PGBD1: variants seen among roughly 807,000 people sequenced by gnomAD.
The protein encoded by PGBD1 is piggyBac transposable element-derived protein 1.
PGBD1 carries 25 observed loss-of-function variants against 34.7 expected under a neutral mutation model. The ratio of observed to expected loss-of-function variants is 0.72; its 90% CI spans 0.52 to 1.00. PGBD1 has a LOEUF of 1.00. Among genes scored for constraint, PGBD1 ranks in the 50% least tolerant of loss-of-function variants. The pLI is 0.00. For synonymous variants in PGBD1, 292 were observed against 335.7 expected (o/e 0.87, Z 1.42); for missense variants, 830 against 959.4 (o/e 0.87, Z 1.78).
intron 3 of PGBD1, among the ~76,000 whole-genome samples, chr6:28,286,651 T>TA (rs1485212587): frequency 2.0e-5 from 3 of 152,056 alleles, no homozygotes; most frequent in Non-Finnish European, 2.9e-5. Context: ...TATTTTCCTG[T>TA]CTCTCTCTCC....
chr6:28,288,729 G>T (rs1318186771), intron 4 of PGBD1, among the ~76,000 whole-genome samples: 1 of 152,086 alleles, frequency 6.6e-6, no homozygotes, highest in Non-Finnish European at 1.5e-5. Context: ...GGTGGCTCAT[G>T]CCTGTAATCC....
At chr6:28,284,275 A>C in intron 2 of PGBD1, 66 bp downstream of exon 2, 2 of 1,428,752 alleles carry the variant, frequency 1.4e-6, no homozygotes, top group Admixed American at 2.5e-5. Flanking sequence ...TTTATTTTTA[A>C]CGTTTTATTT....
chr6:28,291,124 CA>C (rs555039853), intron 4 of PGBD1, among the ~76,000 whole-genome samples: 10,194 of 68,478 alleles, frequency 0.15, 379 homozygotes, highest in African/African-American at 0.2. Flanking sequence ...AAATTGAGAC[CA>C]AAAAAAAAAA....
Position 28,302,523 on chromosome 6 carries a change from T to G in PGBD1, c.*239T>G. The stretch of plus-strand genomic sequence containing the variant: ...TCTATGTCAAGTTTTGTGTCAGACA[T>G]GGGAAATCATGTATTTGTTCAATTG... On this transcript the variant is annotated 3_prime_UTR_variant, in exon 7 of 7. Transcript: ENST00000682144. The G allele has an allele frequency of 2.2e-6, 1 of 446,216 alleles. No individual in the cohort carries two copies. The highest frequency in any genetic ancestry group is 4.1e-5 in the South Asian group (1 of 24,522). The allele number at this position is 446,216 out of a possible 1,614,324, so 27.6% of individuals were successfully genotyped here. A position where few individuals can be genotyped will look rare whatever the true frequency, so the allele number is the denominator to read the frequency against.
chr6:28,302,108 A>T lies in PGBD1; in HGVS notation c.2254A>T (p.Arg752Trp), dbSNP rs1193222121. Residue 752 changes from arginine to tryptophan, a missense_variant, in exon 7 of 7, where the codon AGG (arginine) becomes TGG (tryptophan). Physicochemically the swap from Arg to Trp is moderately radical, Grantham distance 101 (BLOSUM62 -3). Coordinates refer to ENST00000682144, the MANE Select transcript of PGBD1 (RefSeq NM_032507.4). ...MDQIISKYRVRIRSKKWYSIL... is the reference protein window; with the variant it reads ...MDQIISKYRVWIRSKKWYSIL... ...TCAAATTATTTCGAAATACAGGGTG[A>T]GGATAAGAAGCAAGAAATGGTACTC... is the stretch of plus-strand genomic sequence containing the variant. 6.2e-7 allele frequency: 1 copy of T among 1,614,184 alleles called. No homozygotes were observed. The highest frequency in any genetic ancestry group is 2.2e-5 in the East Asian group (1 of 44,880).
At chr6:28,283,254 A>G (rs946741558) in intron 1 of PGBD1, among the ~76,000 whole-genome samples, 1 of 152,214 alleles carries the variant, frequency 6.6e-6, no homozygotes, top group Admixed American at 6.5e-5. Context: ...CCACTGGTCA[A>G]AGCAAGTCAT....
chr6:28,286,845 A>G (rs1287048023), intron 3 of PGBD1, among the ~76,000 whole-genome samples: 2 of 152,076 alleles, frequency 1.3e-5, no homozygotes, highest in African/African-American at 4.8e-5. Flanking sequence ...AAAGCACCTT[A>G]TGAGTTCATA....
intron 4 of PGBD1, among the ~76,000 whole-genome samples, chr6:28,294,154 A>T (rs1423108232): frequency 2.6e-5 from 4 of 152,226 alleles, no homozygotes; most frequent in Admixed American, 2.0e-4. Context: ...TTTGGATAGA[A>T]GATCACACCA....
chr6:28,295,190 T>C (rs1413075963), intron 4 of PGBD1, among the ~76,000 whole-genome samples: 1 of 152,216 alleles, frequency 6.6e-6, no homozygotes, highest in Non-Finnish European at 1.5e-5. Context: ...AACCTGAAGA[T>C]GTGACTGAAT....
intron 6 of PGBD1, 29 bp downstream of exon 6, chr6:28,298,020 A>G (rs1762712637): frequency 7.1e-7 from 1 of 1,417,984 alleles, no homozygotes; most frequent in African/African-American, 1.4e-5. Flanking sequence ...CAGTGAATCA[A>G]ATCCTGCAGA....
Position 28,302,241 on chromosome 6 carries a change from T to C in PGBD1, c.2387T>C (p.Val796Ala). ...SLDPLDFRRFVAHFYLEHNAH... is the reference protein window; with the variant it reads ...SLDPLDFRRFAAHFYLEHNAH... ...GACCCCTTGGATTTTCGGAGATTTGTTGCACATTTCTACTTGGAACACAAT... is the reference window on the plus strand; with the variant it reads ...GACCCCTTGGATTTTCGGAGATTTGCTGCACATTTCTACTTGGAACACAAT... Residue 796 changes from valine to alanine, a missense_variant, in exon 7 of 7, where the codon GTT (valine) becomes GCT (alanine). Physicochemically the swap from Val to Ala is moderately conservative, Grantham distance 64 (BLOSUM62 0). Around this residue, in one of 3 missense-constraint regions of PGBD1, gnomAD observed 372 missense variants for 427.9 expected, o/e 0.87. Coordinates refer to ENST00000682144, the MANE Select transcript of PGBD1 (RefSeq NM_032507.4). 1 of 1,614,018 alleles carries C rather than the reference T, an allele frequency of 6.2e-7. No individual in the cohort carries two copies. Among genetic ancestry groups the C allele is most frequent in the Non-Finnish European group, 8.5e-7 (1 of 1,179,926 alleles).
chr6:28,291,762 G>C (rs1376131749), intron 4 of PGBD1, among the ~76,000 whole-genome samples: 2 of 152,146 alleles, frequency 1.3e-5, no homozygotes, highest in Non-Finnish European at 2.9e-5. Flanking sequence ...CCATGATCAA[G>C]TGGGATTCAC....
rs777927452 is a variant in PGBD1, at chr6:28,287,072, C to G, written c.554-8C>G. The stretch of plus-strand genomic sequence containing the variant: ...CTCATTTAGGACTCTTGCCCTCTCT[C>G]TCTGCAGGGCCTGTTCCCCACGGAT... On this transcript the variant is annotated splice_region_variant and splice_polypyrimidine_tract_variant and intron_variant, in intron 3 of 6. Transcript: ENST00000682144. 4 of 1,611,354 alleles carry G rather than the reference C, an allele frequency of 2.5e-6. No individual in the cohort carries two copies. In the South Asian group the frequency reaches 3.3e-5, roughly 13 times the overall value.
Position 28,301,327 on chromosome 6 carries a change from T to C in PGBD1, c.1473T>C (p.Asp491=), listed in dbSNP as rs181599868. Residue 491 remains aspartate (D), a synonymous_variant, in exon 7 of 7, where the codon GAT becomes GAC. Coordinates refer to ENST00000682144, the MANE Select transcript of PGBD1 (RefSeq NM_032507.4). ...VSDTDQNLVR[D]AIRRDRFELI... ...ACACCGATCAGAACCTGGTTAGAGA[T>C]GCAATCAGAAGGGACAGATTTGAAT... The C allele has an allele frequency of 1.9e-6, 3 of 1,614,162 alleles. No individual in the cohort carries two copies. The highest frequency in any genetic ancestry group is 2.2e-5 in the East Asian group (1 of 44,864).
intron 4 of PGBD1, among the ~76,000 whole-genome samples, chr6:28,293,308 G>A (rs1007243594): frequency 3.9e-5 from 6 of 152,132 alleles, no homozygotes; most frequent in African/African-American, 1.2e-4. Context: ...AGCCTCCAGA[G>A]CCATGAGATA....
Position 28,283,932 on chromosome 6 carries a change from A to G in PGBD1, c.119A>G (p.Gln40Arg). ...TCACAGGAGGGCAGCTCCCACACTC[A>G]GGAGATTTGCCGCCTGCGCTTTCGG... ...CNSQEGSSHT[Q>R]EICRLRFRHF... The change falls in exon 2 of 7, where the codon CAG becomes CGG. Residue 40 changes from glutamine (Q) to arginine (R), a missense_variant. Physicochemically the swap from Gln to Arg is conservative, Grantham distance 43. Transcript: ENST00000682144. The G allele has an allele frequency of 1.2e-6, 2 of 1,614,204 alleles. No individual in the cohort carries two copies. Among genetic ancestry groups the G allele is most frequent in the Non-Finnish European group, 1.7e-6 (2 of 1,180,018 alleles).
At chr6:28,283,026 G>T (rs193249408) in intron 1 of PGBD1, among the ~76,000 whole-genome samples, 13 of 152,310 alleles carry the variant, frequency 8.5e-5, no homozygotes, top group Non-Finnish European at 1.6e-4. Context: ...TTGACTAGGC[G>T]GTTCTACTGG....
Position 28,300,857 on chromosome 6 carries a change from G to C in PGBD1, c.1003G>C (p.Ala335Pro). The change falls in exon 7 of 7, where the codon GCA becomes CCA. Residue 335 changes from alanine to proline, a missense_variant. By Grantham distance (27) the Ala-to-Pro change is conservative. Around this residue, in one of 3 missense-constraint regions of PGBD1, gnomAD observed 457 missense variants for 515.4 expected, o/e 0.89. Coordinates refer to ENST00000682144, the MANE Select transcript of PGBD1 (RefSeq NM_032507.4). The surrounding 1 kb of genome is among the most constrained non-coding windows in gnomAD (Gnocchi z 4.0). ...RMHISSLEYA[A>P]GDITRKGRKK... ...GCACATCTCATCCCTGGAATATGCT[G>C]CAGGAGACATTACCCGAAAAGGGAG... is the stretch of plus-strand genomic sequence containing the variant. The C allele has an allele frequency of 6.2e-7, 1 of 1,614,066 alleles. No individual in the cohort carries two copies. Among genetic ancestry groups the C allele is most frequent in the South Asian group, 1.1e-5 (1 of 91,076 alleles).
rs1046599838 is a variant in PGBD1, at chr6:28,296,958, C to T, written c.772+13C>T. The T allele has an allele frequency of 6.2e-7, 1 of 1,613,666 alleles. No individual in the cohort carries two copies. Among genetic ancestry groups the T allele is most frequent in the South Asian group, 1.1e-5 (1 of 91,030 alleles). On this transcript the variant is annotated intron_variant, in intron 5 of 6. Transcript: ENST00000682144. Reference sequence around the variant, plus strand: ...CTCAGTCCGATGAGTAAGGCCAGGCCTCTGGCTGGACCCCTGTCTGGACTC... The same window carrying T: ...CTCAGTCCGATGAGTAAGGCCAGGCTTCTGGCTGGACCCCTGTCTGGACTC...
Sources: gnomAD v4.1 joint callset for allele counts (sites outside exome capture counted in the v4.1 genomes callset) on GRCh38, gnomAD v4.1.1 for gene constraint, gnomAD v4.1.1 regional missense constraint, Gnocchi (gnomAD v3.1) non-coding constraint, MANE v1.5 for transcripts, NCBI Gene and HGNC (gene_info 2026-07-23, HGNC 2026-07-21) for gene names.